SMAD2: variants seen among roughly 807,000 people sequenced by gnomAD.
SMAD2 encodes the protein SMAD family member 2, also known as MAD homolog 2.
Under a neutral mutation model 64.4 loss-of-function variants are expected in SMAD2, and 8 were observed. That is an observed-to-expected ratio of 0.12 (90% CI 0.07 to 0.22). The LOEUF is 0.22. Among genes scored for constraint, SMAD2 ranks in the 10% least tolerant of loss-of-function variants. The pLI is 1.00. For missense variants in SMAD2, 289 were observed against 561.2 expected, an observed-to-expected ratio of 0.51 and a Z score of 4.90; for synonymous variants, 203 against 195.8, an observed-to-expected ratio of 1.04 and a Z score of -0.31.
rs1385388326 is a variant in SMAD2 at position 47,829,954 on chromosome 18, TCTAA to T, written c.*11869_*11872del. 1 of 152,208 alleles carries T rather than the reference TCTAA, an allele frequency of 6.6e-6. No homozygotes were observed. The highest frequency in any genetic ancestry group is 1.5e-5 in the Non-Finnish European group (1 of 68,034). The allele number at this position is 152,208 out of a possible 1,614,324, so 9.4% of individuals were successfully genotyped here. On this transcript the variant is annotated 3_prime_UTR_variant, in exon 11 of 11. Transcript: ENST00000262160. ...ATTTGAATTTCCCTTTGCCTACAAG[TCTAA>T]GTAACTTGCAGCAGCAAATTCCCCC...
Position 47,841,748 on chromosome 18 carries a change from G to A in SMAD2, c.*79C>T, listed in dbSNP as rs1913973392. On this transcript the variant is annotated 3_prime_UTR_variant, in exon 11 of 11. Transcript: ENST00000262160. ...CTCTTGAACTTTTGGATAGTAAACA[G>A]TCCATAGGGACCACACACAATGCTA... 2.6e-6 allele frequency: 4 copies of A among 1,545,784 alleles called. No homozygotes were observed. In the Admixed American group the frequency reaches 6.7e-5, roughly 26 times the overall value.
chr18:47,876,926 C>A (rs1344617033), intron 2 of SMAD2, among the ~76,000 whole-genome samples: 2 of 151,998 alleles, frequency 1.3e-5, no homozygotes, highest in African/African-American at 4.8e-5. Context: ...TTATTCACAT[C>A]TTTGTTATGG....
At position 47,845,483 on chromosome 18, in the gene SMAD2, G is replaced by T. The variant is rs1162645091; in HGVS notation, c.1137C>A (p.Gly379=). The T allele has an allele frequency of 6.2e-7, 1 of 1,612,534 alleles. No individual in the cohort carries two copies. Among genetic ancestry groups the T allele is most frequent in the Non-Finnish European group, 8.5e-7 (1 of 1,178,756 alleles). ...HPATVCKIPP[G]CNLKIFNNQE... ...GGTTGTTGAAGATCTTCAGATTACA[G>T]CCTATGATTAAAAAAGGTAAAAGAA... Residue 379 remains glycine, a splice_region_variant and synonymous_variant, in exon 10 of 11, where the codon GGC becomes GGA. Coordinates refer to ENST00000262160, the MANE Select transcript of SMAD2 (RefSeq NM_005901.6).
At chr18:47,926,221 T>C (rs1305586087) in intron 1 of SMAD2, among the ~76,000 whole-genome samples, 1 of 152,236 alleles carries the variant, frequency 6.6e-6, no homozygotes, top group Admixed American at 6.5e-5. Context: ...CCATAAGCTA[T>C]AGCACAATCT....
At position 47,930,629 on chromosome 18, in the gene SMAD2, C is replaced by A. The variant is rs2034977209; in HGVS notation, c.-322G>T. ...GGAGGGGAGGGAGCCTGGCCGCCGCCCGCGGGGAAGGAGGGGGTGAGGACG... is the reference window on the plus strand; with the variant it reads ...GGAGGGGAGGGAGCCTGGCCGCCGCACGCGGGGAAGGAGGGGGTGAGGACG... On this transcript the variant is annotated 5_prime_UTR_variant, in exon 1 of 11. Transcript: ENST00000262160. 1 of 149,630 alleles carries A rather than the reference C, an allele frequency of 6.7e-6. No homozygotes were observed. The highest frequency in any genetic ancestry group is 1.5e-5 in the Non-Finnish European group (1 of 67,440). 9.3% of individuals were successfully genotyped at this position (149,630 alleles called of 1,614,324 possible).
intron 2 of SMAD2, among the ~76,000 whole-genome samples, chr18:47,893,904 T>C (rs1008792647): frequency 1.3e-5 from 2 of 152,196 alleles, no homozygotes; most frequent in African/African-American, 2.4e-5. Context: ...GAAACTTCAA[T>C]AGTGAAAAAC....
chr18:47,845,070 A>G (rs1914360844), intron 10 of SMAD2: 2 of 596,280 alleles, frequency 3.4e-6, no homozygotes, highest in East Asian at 5.5e-5. Flanking sequence ...ATAAACTGAC[A>G]TAACCCTTCA....
At position 47,908,499 on chromosome 18, in the gene SMAD2, A is replaced by C. The variant is rs79391013; in HGVS notation, c.-53-11690T>G. On this transcript the variant is annotated intron_variant, in intron 1 of 10. Transcript: ENST00000262160. ...AAAACTAAGAAAAAGGTATGTTATA[A>C]AGCATAAAAGATATGTAGATACTAC... Among the ~76,000 whole-genome samples, 1,047 of 152,340 alleles carry C rather than the reference A, an allele frequency of 6.9e-3. 10 individuals are homozygous for C. Among genetic ancestry groups the C allele is most frequent in the African/African-American group, 0.024 (990 of 41,572 alleles).
intron 1 of SMAD2, among the ~76,000 whole-genome samples, chr18:47,915,293 T>C (rs1042417295): frequency 1.3e-5 from 2 of 152,248 alleles, no homozygotes; most frequent in Non-Finnish European, 2.9e-5. Context: ...ATCCATACAA[T>C]ACAGTTCTGT....
In SMAD2 at chr18:47,834,474, A is replaced by G. The variant is rs542317148; in HGVS notation, c.*7353T>C. 2 of 203,732 alleles carry G rather than the reference A, an allele frequency of 9.8e-6. No individual in the cohort carries two copies. The highest frequency in any genetic ancestry group is 2.0e-5 in the Non-Finnish European group (2 of 99,280). 12.6% of individuals were successfully genotyped at this position (203,732 alleles called of 1,614,324 possible). A position where few individuals can be genotyped will look rare whatever the true frequency, so the allele number is the denominator to read the frequency against. Reference sequence around the variant, plus strand: ...CCCTCAATCCCAGGCACTTTAGGGCAGCTGGTCACCCTGAGAACACTACCC... The same window carrying G: ...CCCTCAATCCCAGGCACTTTAGGGCGGCTGGTCACCCTGAGAACACTACCC... On this transcript the variant is annotated 3_prime_UTR_variant, in exon 11 of 11. Coordinates refer to ENST00000262160, the MANE Select transcript of SMAD2 (RefSeq NM_005901.6).
At chr18:47,918,581 A>C (rs141410651) in intron 1 of SMAD2, among the ~76,000 whole-genome samples, 1 of 152,328 alleles carries the variant, frequency 6.6e-6, no homozygotes, top group East Asian at 1.9e-4. Context: ...AACGTCAAAC[A>C]AAACCAGAAA....
At chr18:47,875,367 A>G (rs983978715) in intron 2 of SMAD2, among the ~76,000 whole-genome samples, 1 of 152,142 alleles carries the variant, frequency 6.6e-6, no homozygotes, top group East Asian at 1.9e-4. Flanking sequence ...AGCAAACAAC[A>G]TATTTGGTGA....
chr18:47,913,077 G>A (rs575033303), intron 1 of SMAD2, among the ~76,000 whole-genome samples: 12 of 152,096 alleles, frequency 7.9e-5, no homozygotes, highest in African/African-American at 1.9e-4. Flanking sequence ...GCGTCAACAC[G>A]CTCGGCTAAT....
Position 47,819,709 on chromosome 18 carries a change from T to C in SMAD2, c.*22118A>G, listed in dbSNP as rs1467826814. 5.6e-5 allele frequency: 8 copies of C among 142,100 alleles called. No individual in the cohort carries two copies. In the Admixed American group the frequency reaches 6.2e-4, roughly 11 times the overall value. 8.8% of individuals were successfully genotyped at this position (142,100 alleles called of 1,614,324 possible). On this transcript the variant is annotated 3_prime_UTR_variant, in exon 11 of 11. Coordinates refer to ENST00000262160, the MANE Select transcript of SMAD2 (RefSeq NM_005901.6). ...TACTCGGGAGGCTGAGGCAGGAGAA[T>C]GGCATGAACCCAGAAGGCGGAGCTT...
rs1199275214 is a variant in SMAD2, at chr18:47,850,548, A to ATATATATT, written c.784+725_784+726insAATATATA. Among the ~76,000 whole-genome samples the ATATATATT allele has an allele frequency of 3.5e-3, 53 of 15,286 alleles. 4 individuals carry two copies. Among genetic ancestry groups the ATATATATT allele is most frequent in the Admixed American group, 5.4e-3 (4 of 740 alleles). The allele number at this position is 15,286 out of a possible 152,430, so 10.0% of individuals were successfully genotyped here. A position where few individuals can be genotyped will look rare whatever the true frequency, so the allele number is the denominator to read the frequency against. On this transcript the variant is annotated intron_variant, in intron 7 of 10. Coordinates refer to ENST00000262160, the MANE Select transcript of SMAD2 (RefSeq NM_005901.6). ...TATGTATAATATATGTTATATATAT[A>ATATATATT]ATATATATTATGTATAATATATATT...
At chr18:47,880,647 A>G (rs1020291341) in intron 2 of SMAD2, among the ~76,000 whole-genome samples, 1 of 152,146 alleles carries the variant, frequency 6.6e-6, no homozygotes, top group African/African-American at 2.4e-5. Flanking sequence ...TGGTCTCCTC[A>G]TTATAAAGGG....
intron 6 of SMAD2, among the ~76,000 whole-genome samples, chr18:47,861,167 C>T (rs1043194642): frequency 6.6e-6 from 1 of 152,054 alleles, no homozygotes; most frequent in Non-Finnish European, 1.5e-5. Flanking sequence ...ACCAGCCTGA[C>T]CAACGTGGAG....
At chr18:47,851,210 GATTTTTATTATT>G in intron 7 of SMAD2, 52 bp downstream of exon 7, 1 of 1,144,032 alleles carries the variant, frequency 8.7e-7, no homozygotes, top group Non-Finnish European at 1.3e-6. Flanking sequence ...TCCTAGAGAT[GATTTTTATTATT>G]AAGTAGGTGA....
intron 1 of SMAD2, among the ~76,000 whole-genome samples, chr18:47,910,323 A>G (rs2034079087): frequency 7.0e-6 from 1 of 141,850 alleles, no homozygotes; most frequent in Admixed American, 7.0e-5. Context: ...GATGATGAGG[A>G]AGAAGATGCA....
Sources: allele counts gnomAD v4.1 joint callset (sites outside exome capture counted in the v4.1 genomes callset), GRCh38; gene constraint gnomAD v4.1.1; transcripts MANE v1.5; gene names NCBI Gene and HGNC (gene_info 2026-07-23, HGNC 2026-07-21).